Variants in PCCB observed in about 807,000 individuals in gnomAD.
PCCB encodes propionyl-CoA carboxylase beta chain, mitochondrial.
In PCCB, 43 loss-of-function variants were observed where a neutral mutation model predicts 60.7. The observed-to-expected ratio is 0.71, with a 90% CI of 0.55 to 0.91. PCCB has a LOEUF of 0.91. Among genes scored for constraint, PCCB ranks in the 40% least tolerant of loss-of-function variants. The pLI is 0.00. For synonymous variants in PCCB, 276 were observed against 255.9 expected (o/e 1.08, Z -0.75); for missense variants, 766 against 702.8 (o/e 1.09, Z -1.02).
chr3:136,290,916 G>A (rs1042630386), intron 6 of PCCB, among the ~76,000 whole-genome samples: 5 of 149,288 alleles, frequency 3.3e-5, no homozygotes, highest in Non-Finnish European at 7.4e-5. Context: ...TTTTCTCTTC[G>A]CTTTTCAATT....
chr3:136,304,291 A>G (rs1934382589), intron 9 of PCCB, among the ~76,000 whole-genome samples: 1 of 119,814 alleles, frequency 8.3e-6, no homozygotes, highest in African/African-American at 2.5e-5. Context: ...AGTAGCTGGG[A>G]CTATAGCTGC....
At position 136,255,843 on chromosome 3, in the gene PCCB, T is replaced by A; in HGVS notation, c.184-13T>A. 6.2e-7 allele frequency: 1 copy of A among 1,613,066 alleles called. No homozygotes were observed. The highest frequency in any genetic ancestry group is 8.5e-7 in the Non-Finnish European group (1 of 1,178,988). ...TGTGATGACATCACTGAGTGATCTTTGTTCCATTGTAGGGAAAGCTAACAG... is the reference window on the plus strand; with the variant it reads ...TGTGATGACATCACTGAGTGATCTTAGTTCCATTGTAGGGAAAGCTAACAG... On this transcript the variant is annotated splice_polypyrimidine_tract_variant and intron_variant, in intron 1 of 14. Coordinates refer to ENST00000251654, the MANE Select transcript of PCCB (RefSeq NM_000532.5).
intron 5 of PCCB, among the ~76,000 whole-genome samples, chr3:136,274,040 T>C (rs1025744460): frequency 6.6e-6 from 1 of 151,980 alleles, no homozygotes; most frequent in Non-Finnish European, 1.5e-5. Flanking sequence ...GATGACTCTC[T>C]TGAAGACAGC....
chr3:136,299,318 G>T lies in PCCB; in HGVS notation c.884+1246G>T, dbSNP rs371348355. On this transcript the variant is annotated intron_variant, in intron 8 of 14. Coordinates refer to ENST00000251654, the MANE Select transcript of PCCB (RefSeq NM_000532.5). ...TATGCATATATATGTATACATACAT[G>T]TATACATATTTGTGCATACACACAT... 1.1e-4 allele frequency among the ~76,000 whole-genome samples: 16 copies of T among 151,956 alleles called. No homozygotes were observed. The East Asian group carries it at 2.9e-3, about 28-fold the overall frequency.
At chr3:136,318,973 T>G (rs1050850876) in intron 10 of PCCB, among the ~76,000 whole-genome samples, 1 of 152,212 alleles carries the variant, frequency 6.6e-6, no homozygotes, top group Non-Finnish European at 1.5e-5. Flanking sequence ...TAGGTTTAAC[T>G]TTTTGGGGAA....
At chr3:136,260,810 T>C (rs569350709) in intron 4 of PCCB, among the ~76,000 whole-genome samples, 1 of 152,362 alleles carries the variant, frequency 6.6e-6, no homozygotes, top group Admixed American at 6.5e-5. Flanking sequence ...ACATTTAGAA[T>C]ATACGTGCTC....
intron 5 of PCCB, among the ~76,000 whole-genome samples, chr3:136,264,910 A>C (rs1276814786): frequency 6.9e-6 from 1 of 144,540 alleles, no homozygotes; most frequent in Admixed American, 6.9e-5. Context: ...TTAATGCTTA[A>C]TAGGGCCGGG....
chr3:136,313,278 T>C (rs1934741499), intron 9 of PCCB, among the ~76,000 whole-genome samples: 1 of 152,248 alleles, frequency 6.6e-6, no homozygotes, highest in Admixed American at 6.5e-5. Context: ...CATTACGTTG[T>C]CATTTGTAAT....
intron 5 of PCCB, among the ~76,000 whole-genome samples, chr3:136,273,578 C>CTTTTTTTTGTTTTT (rs1942255000): frequency 1.7e-5 from 1 of 59,204 alleles, no homozygotes; most frequent in Non-Finnish European, 3.8e-5. Flanking sequence ...CTTTTTCTTT[C>CTTTTTTTTGTTTTT]TTTTTTTTTT....
At chr3:136,302,029 A>C (rs1391507330) in intron 9 of PCCB, among the ~76,000 whole-genome samples, 1 of 152,204 alleles carries the variant, frequency 6.6e-6, no homozygotes, top group Non-Finnish European at 1.5e-5. Flanking sequence ...GTTCAGCCCA[A>C]AGCAGGAGAG....
intron 9 of PCCB, among the ~76,000 whole-genome samples, chr3:136,307,053 G>A (rs1934471182): frequency 8.1e-6 from 1 of 122,720 alleles, no homozygotes; most frequent in African/African-American, 2.5e-5. Context: ...AAGCAACGTA[G>A]AAAAGCAAGG....
rs1272104127 is a variant in PCCB at position 136,293,656 on chromosome 3, A to C, written c.655-100A>C. ...CATCCTATCCTCATTCAGCCACGTCACTATCTTCTCTGCATTTGTCATCTT... is the reference window on the plus strand; with the variant it reads ...CATCCTATCCTCATTCAGCCACGTCCCTATCTTCTCTGCATTTGTCATCTT... On this transcript the variant is annotated intron_variant, in intron 6 of 14. Transcript: ENST00000251654. The C allele has an allele frequency of 3.7e-6, 3 of 811,380 alleles. No homozygotes were observed. The Admixed American group carries it at 5.1e-5, about 14-fold the overall frequency. 50.3% of individuals were successfully genotyped at this position (811,380 alleles called of 1,614,324 possible). A position where few individuals can be genotyped will look rare whatever the true frequency, so the allele number is the denominator to read the frequency against.
chr3:136,293,038 G>GT (rs1933770154), intron 6 of PCCB, among the ~76,000 whole-genome samples: 1 of 152,078 alleles, frequency 6.6e-6, no homozygotes, highest in Admixed American at 6.6e-5. Context: ...TTTGAGACAG[G>GT]TTTTTACTCT....
chr3:136,256,990 A>T (rs1941687733), intron 3 of PCCB, among the ~76,000 whole-genome samples: 1 of 152,156 alleles, frequency 6.6e-6, no homozygotes, highest in Non-Finnish European at 1.5e-5. Context: ...CGCAAAGGGG[A>T]CTTGACTCTC....
intron 5 of PCCB, among the ~76,000 whole-genome samples, chr3:136,268,270 A>G (rs1942090498): frequency 1.3e-5 from 2 of 151,266 alleles, no homozygotes; most frequent in South Asian, 4.2e-4. Context: ...CCCACCATTA[A>G]TTGACATAAC....
At chr3:136,258,841 T>G (rs779822105) in intron 3 of PCCB, among the ~76,000 whole-genome samples, 12 of 151,986 alleles carry the variant, frequency 7.9e-5, no homozygotes, top group Non-Finnish European at 1.6e-4. Flanking sequence ...GTTTTCAGCC[T>G]CCTTCTCACC....
At chr3:136,258,580 C>T (rs1035337261) in intron 3 of PCCB, among the ~76,000 whole-genome samples, 3 of 151,998 alleles carry the variant, frequency 2.0e-5, no homozygotes, top group African/African-American at 7.3e-5. Flanking sequence ...CTCCTCAGTC[C>T]CTTGCCTGAT....
At chr3:136,285,224 C>T (rs1054253678) in intron 6 of PCCB, among the ~76,000 whole-genome samples, 1 of 152,160 alleles carries the variant, frequency 6.6e-6, no homozygotes, top group Non-Finnish European at 1.5e-5. Context: ...CTCCTTCCTG[C>T]CTGTTACGAA....
intron 5 of PCCB, among the ~76,000 whole-genome samples, chr3:136,268,765 G>C (rs917446839): frequency 6.6e-6 from 1 of 151,958 alleles, no homozygotes; most frequent in African/African-American, 2.4e-5. Flanking sequence ...CACCCAGCCC[G>C]ATCAGCTCTT....
Sources: allele counts gnomAD v4.1 joint callset (sites outside exome capture counted in the v4.1 genomes callset), GRCh38; gene constraint gnomAD v4.1.1; transcripts MANE v1.5; gene names NCBI Gene and HGNC (gene_info 2026-07-23, HGNC 2026-07-21).